FARS2: variants seen among roughly 807,000 people sequenced by gnomAD.
FARS2 encodes the protein phenylalanyl-tRNA synthetase 2, mitochondrial.
A neutral mutation model predicts 46.4 loss-of-function variants in FARS2; 40 were observed. The observed-to-expected ratio is 0.86, with a 90% confidence interval of 0.67 to 1.12. The LOEUF (loss-of-function observed/expected upper bound fraction) is 1.12. FARS2 is among the 50% of genes most tolerant of loss of function. The pLI is 0.00. For synonymous variants in FARS2, 234 were observed against 214.9 expected (o/e 1.09, Z -0.78); for missense variants, 513 against 567.9 (o/e 0.90, Z 0.98).
intron 4 of FARS2, among the ~76,000 whole-genome samples, chr6:5,476,947 G>A (rs556040670): frequency 2.9e-4 from 44 of 152,344 alleles, no homozygotes; most frequent in African/African-American, 9.9e-4. Context: ...TTAGGCATCA[G>A]TGTGGAGCTC....
At chr6:5,511,577 C>T (rs965098921) in intron 4 of FARS2, among the ~76,000 whole-genome samples, 4 of 152,130 alleles carry the variant, frequency 2.6e-5, no homozygotes, top group African/African-American at 9.7e-5. Flanking sequence ...TCATTACAAG[C>T]CATAAAAACC....
intron 6 of FARS2, among the ~76,000 whole-genome samples, chr6:5,714,471 T>C (rs1317933587): frequency 6.6e-6 from 1 of 150,720 alleles, no homozygotes; most frequent in East Asian, 1.9e-4. Context: ...GCTCAGTTGG[T>C]CTTCTTCTAG....
intron 4 of FARS2, among the ~76,000 whole-genome samples, chr6:5,541,081 G>A (rs1259498895): frequency 6.6e-6 from 1 of 152,172 alleles, no homozygotes; most frequent in African/African-American, 2.4e-5. Context: ...ATATGTAAGA[G>A]TTTGCTATGG....
At chr6:5,386,679 A>G (rs979792027) in intron 2 of FARS2, among the ~76,000 whole-genome samples, 1 of 152,114 alleles carries the variant, frequency 6.6e-6, no homozygotes, top group Admixed American at 6.5e-5. Flanking sequence ...GGAAAGGGAA[A>G]AGCAATTAAA....
chr6:5,431,702 C>T (rs775880334), intron 4 of FARS2: 13 of 532,562 alleles, frequency 2.4e-5, no homozygotes, highest in Admixed American at 3.9e-5. Flanking sequence ...AATGGAAACA[C>T]GAGGTTGCTG....
chr6:5,394,858 C>T (rs1760800283), intron 2 of FARS2, among the ~76,000 whole-genome samples: 1 of 151,998 alleles, frequency 6.6e-6, no homozygotes, highest in African/African-American at 2.4e-5. Context: ...TTTGACGTCA[C>T]ACTCATTTTG....
At chr6:5,543,377 G>GTTT (rs33960204) in intron 4 of FARS2, among the ~76,000 whole-genome samples, 43 of 143,960 alleles carry the variant, frequency 3.0e-4, no homozygotes, top group Admixed American at 3.4e-4. Flanking sequence ...GTTGGTGGTG[G>GTTT]TTTTTTTTTT....
chr6:5,717,481 G>A (rs757514955), intron 6 of FARS2, among the ~76,000 whole-genome samples: 7 of 151,670 alleles, frequency 4.6e-5, no homozygotes, highest in Non-Finnish European at 1.0e-4. Context: ...TCCCATGTTT[G>A]GAATTTTGCC....
At chr6:5,590,304 CTG>C (rs750229465) in intron 5 of FARS2, among the ~76,000 whole-genome samples, 5 of 152,188 alleles carry the variant, frequency 3.3e-5, no homozygotes, top group Non-Finnish European at 7.3e-5. Context: ...TCCAAGTTCT[CTG>C]TGGAGCTTTC....
intron 6 of FARS2, among the ~76,000 whole-genome samples, chr6:5,678,582 T>G (rs943665960): frequency 6.6e-6 from 1 of 152,146 alleles, no homozygotes; most frequent in African/African-American, 2.4e-5. Context: ...GTAAATAATC[T>G]CTCAGGGAAG....
At chr6:5,354,516 CT>C (rs529291216) in intron 1 of FARS2, among the ~76,000 whole-genome samples, 5,318 of 139,840 alleles carry the variant, frequency 0.038, 236 homozygotes, top group African/African-American at 0.12. Context: ...TAGTGGTTTC[CT>C]TTTTTTTTTT....
chr6:5,531,902 G>A (rs920801774), intron 4 of FARS2, among the ~76,000 whole-genome samples: 4 of 152,206 alleles, frequency 2.6e-5, no homozygotes, highest in African/African-American at 9.7e-5. Context: ...GGATACTGCA[G>A]TGCTTTTATT....
At chr6:5,595,869 G>T (rs1025661211) in intron 5 of FARS2, among the ~76,000 whole-genome samples, 2 of 152,148 alleles carry the variant, frequency 1.3e-5, no homozygotes, top group Admixed American at 6.5e-5. Context: ...AACGCCCAAG[G>T]TCACAAAAAC....
intron 4 of FARS2, among the ~76,000 whole-genome samples, chr6:5,460,850 T>C (rs1386141381): frequency 6.6e-6 from 1 of 152,064 alleles, no homozygotes; most frequent in Admixed American, 6.5e-5. Context: ...AGGAACTCAG[T>C]TGTCAGGAAG....
At chr6:5,319,473 A>T (rs897885961) in intron 1 of FARS2, among the ~76,000 whole-genome samples, 1 of 152,158 alleles carries the variant, frequency 6.6e-6, no homozygotes, top group Non-Finnish European at 1.5e-5. Context: ...CAGACAGCCC[A>T]CTCCAAGGAA....
At chr6:5,563,274 T>G (rs1347187618) in intron 5 of FARS2, among the ~76,000 whole-genome samples, 1 of 152,060 alleles carries the variant, frequency 6.6e-6, no homozygotes, top group Non-Finnish European at 1.5e-5. Flanking sequence ...AATATGCAAA[T>G]GCAGGGCACA....
intron 5 of FARS2, among the ~76,000 whole-genome samples, chr6:5,578,180 G>A (rs1285100036): frequency 1.3e-5 from 2 of 152,118 alleles, no homozygotes. Flanking sequence ...ATGAATAATG[G>A]TTAAGCCCTC....
At chr6:5,730,394 T>C (rs1760547051) in intron 6 of FARS2, among the ~76,000 whole-genome samples, 1 of 152,194 alleles carries the variant, frequency 6.6e-6, no homozygotes, top group Non-Finnish European at 1.5e-5. Flanking sequence ...GAGATGCTGC[T>C]TTTTTGAGAC....
chr6:5,451,579 T>C (rs1469072707), intron 4 of FARS2: 3 of 152,144 alleles, frequency 2.0e-5, no homozygotes, highest in African/African-American at 2.4e-5. Flanking sequence ...ACAGGGGACA[T>C]TGGGGACATC....
Sources: allele counts gnomAD v4.1 joint callset (sites outside exome capture counted in the v4.1 genomes callset), GRCh38; gene constraint gnomAD v4.1.1; transcripts MANE v1.5; gene names NCBI Gene and HGNC (gene_info 2026-07-23, HGNC 2026-07-21).